PGR: variants seen among roughly 807,000 people sequenced by gnomAD.
PGR encodes nuclear receptor subfamily 3 group C member 3.
A neutral mutation model predicts 76.1 loss-of-function variants in PGR; 25 were observed. The ratio of observed to expected loss-of-function variants is 0.33; its 90% CI spans 0.24 to 0.46. The LOEUF is 0.46. Among genes scored for constraint, PGR ranks in the 20% least tolerant of loss-of-function variants. The pLI is 1.00. For missense variants in PGR, 1,172 were observed against 1,225.3 expected (o/e 0.96, Z 0.65); for synonymous variants, 579 against 535.0 (o/e 1.08, Z -1.14).
intron 3 of PGR, among the ~76,000 whole-genome samples, chr11:101,087,395 T>C (rs938248870): frequency 2.0e-5 from 3 of 152,300 alleles, no homozygotes; most frequent in South Asian, 2.1e-4. Flanking sequence ...AATAATGAAA[T>C]TGGACCCCTA....
chr11:101,039,402 A>G, intron 7 of PGR, 131 bp from the exon 8 acceptor site: 3 of 695,478 alleles, frequency 4.3e-6, no homozygotes, highest in East Asian at 2.8e-5. Flanking sequence ...TTCTTACCAT[A>G]GTGAAAATAA....
At chr11:101,057,530 T>TG (rs1241056262) in intron 4 of PGR, among the ~76,000 whole-genome samples, 3 of 152,112 alleles carry the variant, frequency 2.0e-5, no homozygotes, top group African/African-American at 7.2e-5. Flanking sequence ...AAAATGATTC[T>TG]GGGGGTAGAA....
chr11:101,124,377 T>C (rs1862775345), intron 2 of PGR, among the ~76,000 whole-genome samples: 1 of 152,216 alleles, frequency 6.6e-6, no homozygotes, highest in African/African-American at 2.4e-5. Context: ...AGTTTATATA[T>C]CTACTTTTGC....
chr11:101,068,750 C>CAAA (rs141613454), intron 3 of PGR, among the ~76,000 whole-genome samples: 19,681 of 150,812 alleles, frequency 0.13, 1,312 homozygotes, highest in East Asian at 0.19. Flanking sequence ...CAAACCTGAC[C>CAAA]AAAAAAAACA....
At chr11:101,070,302 T>C (rs1338623549) in intron 3 of PGR, among the ~76,000 whole-genome samples, 2 of 152,178 alleles carry the variant, frequency 1.3e-5, no homozygotes, top group Non-Finnish European at 2.9e-5. Context: ...CCAGATACTA[T>C]GCTTTCCCCA....
intron 3 of PGR, among the ~76,000 whole-genome samples, chr11:101,072,744 G>A (rs1470229806): frequency 6.6e-6 from 1 of 152,160 alleles, no homozygotes; most frequent in African/African-American, 2.4e-5. Context: ...TTACATAATG[G>A]TAAAGGGATC....
chr11:101,082,220 G>A (rs1861336511), intron 3 of PGR, among the ~76,000 whole-genome samples: 1 of 152,104 alleles, frequency 6.6e-6, no homozygotes, highest in Non-Finnish European at 1.5e-5. Context: ...AGACCTCCTA[G>A]CTATGCTTCC....
At chr11:101,127,037 A>C (rs1257074753) in intron 1 of PGR, 1 of 155,014 alleles carries the variant, frequency 6.5e-6, no homozygotes, top group Non-Finnish European at 1.4e-5. Flanking sequence ...CTTCTAAGAA[A>C]GAAGCATTTC....
intron 3 of PGR, among the ~76,000 whole-genome samples, chr11:101,073,739 C>T (rs965975081): frequency 8.0e-4 from 122 of 151,996 alleles, no homozygotes; most frequent in African/African-American, 2.7e-3. Flanking sequence ...AGAAGAAATG[C>T]ATACATTCCT....
At chr11:101,051,315 G>A (rs1860081258) in intron 5 of PGR, 109 bp downstream of exon 5, 1 of 742,426 alleles carries the variant, frequency 1.3e-6, no homozygotes, top group African/African-American at 1.7e-5. Context: ...TGACAGTAAT[G>A]TCATCATATC....
chr11:101,055,558 T>C (rs1285339714), intron 4 of PGR, among the ~76,000 whole-genome samples: 2 of 152,024 alleles, frequency 1.3e-5, no homozygotes, highest in African/African-American at 4.8e-5. Context: ...GTGAACTTTA[T>C]AACTTTCTAA....
intron 2 of PGR, among the ~76,000 whole-genome samples, chr11:101,115,663 C>A (rs1225451274): frequency 1.3e-5 from 2 of 151,870 alleles, no homozygotes; most frequent in Non-Finnish European, 2.9e-5. Context: ...CCCAGCTACT[C>A]GGGAGGCTGA....
chr11:101,083,223 T>C (rs114329720), intron 3 of PGR, among the ~76,000 whole-genome samples: 1,694 of 152,292 alleles, frequency 0.011, 36 homozygotes, highest in African/African-American at 0.038. Flanking sequence ...CCTGCGGGTA[T>C]GAAGAAGGCA....
chr11:101,090,164 C>T (rs1191201596), intron 3 of PGR, among the ~76,000 whole-genome samples: 2 of 151,956 alleles, frequency 1.3e-5, no homozygotes, highest in Non-Finnish European at 2.9e-5. Context: ...CACCATTGCA[C>T]TCCAGCCTGG....
Position 101,051,466 on chromosome 11 carries a change from C to T in PGR, c.2315G>A (p.Ser772Asn). ...AGGTGCAAAATACAGCATCTGCCCACTGACGTGTTTGTAGGATCTCCATCC... is the reference window on the plus strand; with the variant it reads ...AGGTGCAAAATACAGCATCTGCCCATTGACGTGTTTGTAGGATCTCCATCC... Reference protein sequence around the residue: ...GLGWRSYKHVSGQMLYFAPDL... With the variant: ...GLGWRSYKHVNGQMLYFAPDL... Residue 772 changes from serine (S) to asparagine (N), a missense_variant, in exon 5 of 8, where the codon AGT (serine) becomes AAT (asparagine). Around this residue, in one of 4 missense-constraint regions of PGR, gnomAD observed 166 missense variants for 296.0 expected, o/e 0.56. Coordinates refer to ENST00000325455, the MANE Select transcript of PGR (RefSeq NM_000926.4). 6.2e-7 allele frequency: 1 copy of T among 1,610,010 alleles called. No individual in the cohort carries two copies. The highest frequency in any genetic ancestry group is 8.5e-7 in the Non-Finnish European group (1 of 1,176,536).
At chr11:101,088,624 T>G (rs483493) in intron 3 of PGR, among the ~76,000 whole-genome samples, 25,804 of 152,024 alleles carry the variant, frequency 0.17, 2,580 homozygotes, top group African/African-American at 0.28. Flanking sequence ...GAGCCACCGC[T>G]CCCGGCCCTC....
intron 2 of PGR, 103 bp from the exon 3 acceptor site, chr11:101,091,979 G>A (rs1010592047): frequency 7.0e-6 from 5 of 710,752 alleles, no homozygotes; most frequent in Non-Finnish European, 1.3e-5. Context: ...ATCAGCAAGT[G>A]CATGACTCAG....
At chr11:101,042,191 T>C in intron 6 of PGR, 89 bp from the exon 7 acceptor site, 10 of 1,344,300 alleles carry the variant, frequency 7.4e-6, no homozygotes, top group Non-Finnish European at 9.4e-6. Flanking sequence ...ATATAATGAT[T>C]TCTTCTGATA....
intron 2 of PGR, among the ~76,000 whole-genome samples, chr11:101,092,766 ACT>A (rs1167342120): frequency 1.3e-5 from 2 of 152,166 alleles, no homozygotes; most frequent in Non-Finnish European, 2.9e-5. Context: ...TATTTTTGAC[ACT>A]CTCTTTTTTT....
Sources: gnomAD v4.1 joint callset for allele counts (sites outside exome capture counted in the v4.1 genomes callset) on GRCh38, gnomAD v4.1.1 for gene constraint, gnomAD v4.1.1 regional missense constraint, MANE v1.5 for transcripts, NCBI Gene and HGNC (gene_info 2026-07-23, HGNC 2026-07-21) for gene names.